Variants in SEL1L3 observed in about 807,000 individuals in gnomAD.
The protein encoded by SEL1L3 is protein sel-1 homolog 3.
A neutral mutation model predicts 142.8 loss-of-function variants in SEL1L3; 76 were observed. The ratio of observed to expected loss-of-function variants is 0.53; its 90% CI spans 0.44 to 0.64. The LOEUF is 0.64. Among genes scored for constraint, SEL1L3 ranks in the 30% least tolerant of loss-of-function variants. The probability of loss-of-function intolerance (pLI) is 0.00; values close to 1 mark genes in which losing one functional copy is unlikely to be tolerated. For synonymous variants in SEL1L3, 504 were observed against 519.6 expected, an observed-to-expected ratio of 0.97 and a Z score of 0.41; for missense variants, 1,262 against 1,381.7, an observed-to-expected ratio of 0.91 and a Z score of 1.37.
At chr4:25,792,814 C>T (rs768427696) in intron 11 of SEL1L3, among the ~76,000 whole-genome samples, 2 of 152,146 alleles carry the variant, frequency 1.3e-5, no homozygotes, top group Non-Finnish European at 2.9e-5. Context: ...AATTCAGATC[C>T]CCTCAGTCTG....
rs370250827 is a variant in SEL1L3 at position 25,827,008 on chromosome 4, T to A, written c.1157+3090A>T. Among the ~76,000 whole-genome samples the A allele has an allele frequency of 2.6e-4, 39 of 152,324 alleles. No homozygotes were observed. The South Asian group carries it at 8.1e-3, about 32-fold the overall frequency. ...TAAGAAATTGTTTCAATGCTTCAATTGGGATGTAGAGTTGGTGTGTGCCCC... is the reference window on the plus strand; with the variant it reads ...TAAGAAATTGTTTCAATGCTTCAATAGGGATGTAGAGTTGGTGTGTGCCCC... On this transcript the variant is annotated intron_variant, in intron 6 of 23. Coordinates refer to ENST00000399878, the MANE Select transcript of SEL1L3 (RefSeq NM_015187.5).
intron 11 of SEL1L3, among the ~76,000 whole-genome samples, chr4:25,793,738 C>T (rs755887311): frequency 2.7e-4 from 41 of 152,208 alleles, no homozygotes; most frequent in Non-Finnish European, 4.6e-4. Context: ...TTTAGTATGG[C>T]ATCTGCTACA....
chr4:25,760,265 G>A (rs994505489), intron 20 of SEL1L3, among the ~76,000 whole-genome samples: 1 of 152,152 alleles, frequency 6.6e-6, no homozygotes, highest in Non-Finnish European at 1.5e-5. Context: ...TCTTTTTTAT[G>A]GCTGCATAGT....
the SEL1L3 span, among the ~76,000 whole-genome samples, chr4:25,726,941 C>T: frequency 1.3e-5 from 2 of 152,050 alleles, no homozygotes; most frequent in African/African-American, 4.8e-5. Flanking sequence ...GTTTCTTCTG[C>T]AGCCTCTCTC....
At chr4:25,809,724 T>G (rs1352876695) in intron 9 of SEL1L3, among the ~76,000 whole-genome samples, 1 of 152,236 alleles carries the variant, frequency 6.6e-6, no homozygotes, top group Non-Finnish European at 1.5e-5. Context: ...TTTGTTTTCT[T>G]GGTGTCTCTG....
In SEL1L3 at chr4:25,789,541, C is replaced by T. The variant is rs143198333; in HGVS notation, c.2076+914G>A. Reference sequence around the variant, plus strand: ...TTGAGGCTGCAGTGAGCTATGATCACGCCACTGAGCTTCAGCCTGCCCAAC... The same window carrying T: ...TTGAGGCTGCAGTGAGCTATGATCATGCCACTGAGCTTCAGCCTGCCCAAC... On this transcript the variant is annotated intron_variant, in intron 12 of 23. Coordinates refer to ENST00000399878, the MANE Select transcript of SEL1L3 (RefSeq NM_015187.5). 3.5e-3 allele frequency among the ~76,000 whole-genome samples: 518 copies of T among 148,320 alleles called. 5 individuals are homozygous for T. The highest frequency in any genetic ancestry group is 3.3e-3 in the Non-Finnish European group (223 of 67,600).
At chr4:25,796,619 C>T (rs1712774457) in intron 11 of SEL1L3, among the ~76,000 whole-genome samples, 1 of 151,838 alleles carries the variant, frequency 6.6e-6, no homozygotes, top group South Asian at 2.1e-4. Context: ...ATGGTGAAAC[C>T]CCATCTCTAC....
At position 25,776,272 on chromosome 4, in the gene SEL1L3, C is replaced by G; in HGVS notation, c.2669+5G>C. ...AGTTTGCTCTAACGTGGATCCCAAGCTTACCATGAACCTTCCAGGTAGGCA... is the reference window on the plus strand; with the variant it reads ...AGTTTGCTCTAACGTGGATCCCAAGGTTACCATGAACCTTCCAGGTAGGCA... On this transcript the variant is annotated splice_donor_5th_base_variant and intron_variant, in intron 17 of 23. Transcript: ENST00000399878. 1 of 1,605,894 alleles carries G rather than the reference C, an allele frequency of 6.2e-7. No homozygotes were observed. The highest frequency in any genetic ancestry group is 8.5e-7 in the Non-Finnish European group (1 of 1,174,004).
intron 7 of SEL1L3, among the ~76,000 whole-genome samples, chr4:25,821,655 T>C (rs982962326): frequency 6.6e-6 from 1 of 152,256 alleles, no homozygotes; most frequent in East Asian, 1.9e-4. Flanking sequence ...AATAATATTA[T>C]ATAAAAGAAG....
At chr4:25,841,925 A>G (rs1295509685) in intron 2 of SEL1L3, among the ~76,000 whole-genome samples, 1 of 152,114 alleles carries the variant, frequency 6.6e-6, no homozygotes, top group Admixed American at 6.5e-5. Flanking sequence ...GCGCCACTGC[A>G]CTCCAGCCTG....
chr4:25,746,417 C>A (rs1577543234), downstream of SEL1L3, among the ~76,000 whole-genome samples: 1 of 149,136 alleles, frequency 6.7e-6, no homozygotes, highest in African/African-American at 2.5e-5. Context: ...TACTCGGAGG[C>A]TGAGGCACCA....
At chr4:25,717,411 A>ATCCC in the SEL1L3 span, among the ~76,000 whole-genome samples, 1 of 152,188 alleles carries the variant, frequency 6.6e-6, no homozygotes, top group Non-Finnish European at 1.5e-5. Context: ...CACGCCTGTA[A>ATCCC]TCCCTGCACT....
intron 19 of SEL1L3, among the ~76,000 whole-genome samples, chr4:25,765,806 T>G (rs1057310303): frequency 1.2e-4 from 18 of 151,906 alleles, no homozygotes; most frequent in Admixed American, 2.0e-4. Flanking sequence ...GCCCGGCTAA[T>G]TTTTGTATTT....
intron 6 of SEL1L3, among the ~76,000 whole-genome samples, chr4:25,828,516 C>G (rs1312097247): frequency 6.6e-6 from 1 of 150,956 alleles, no homozygotes; most frequent in Non-Finnish European, 1.5e-5. Context: ...CCTTAAGTAG[C>G]TGGGATTACA....
downstream of SEL1L3, among the ~76,000 whole-genome samples, chr4:25,745,561 G>T (rs894695360): frequency 1.3e-5 from 2 of 152,220 alleles, no homozygotes; most frequent in African/African-American, 4.8e-5. Flanking sequence ...TCATTCTCAA[G>T]GTGAAGGGAG....
rs149459790 is a variant in SEL1L3 at position 25,806,251 on chromosome 4, A to G, written c.1565-1499T>C. Among the ~76,000 whole-genome samples, 434 of 151,726 alleles carry G rather than the reference A, an allele frequency of 2.9e-3. 3 individuals carry two copies. Among genetic ancestry groups the G allele is most frequent in the African/African-American group, 0.01 (414 of 41,358 alleles). ...AGAGGGTTTCACCGTGTTAGCCAGGATGGTCTGGATTTCCTGACGTCGTGA... is the reference window on the plus strand; with the variant it reads ...AGAGGGTTTCACCGTGTTAGCCAGGGTGGTCTGGATTTCCTGACGTCGTGA... On this transcript the variant is annotated intron_variant, in intron 9 of 23. Coordinates refer to ENST00000399878, the MANE Select transcript of SEL1L3 (RefSeq NM_015187.5).
intron 8 of SEL1L3, among the ~76,000 whole-genome samples, 183 bp from the exon 9 acceptor site, chr4:25,818,461 A>AGTCCAT (rs1714541874): frequency 6.6e-6 from 1 of 152,248 alleles, no homozygotes; most frequent in Non-Finnish European, 1.5e-5. Context: ...TTCAGAGCCA[A>AGTCCAT]GTCCATGAGA....
intron 1 of SEL1L3, among the ~76,000 whole-genome samples, chr4:25,853,890 T>C (rs1253781186): frequency 6.6e-6 from 1 of 152,166 alleles, no homozygotes; most frequent in African/African-American, 2.4e-5. Context: ...CAGGCTGGTC[T>C]CGAACTCCTG....
At position 25,757,707 on chromosome 4, in the gene SEL1L3, G is replaced by T; in HGVS notation, c.3167C>A (p.Ala1056Asp). 1.3e-6 allele frequency: 2 copies of T among 1,594,864 alleles called. No individual in the cohort carries two copies. Among genetic ancestry groups the T allele is most frequent in the East Asian group, 2.3e-5 (1 of 43,936 alleles). Residue 1056 changes from alanine to aspartate, a missense_variant, in exon 22 of 24, where the codon GCT becomes GAT. Ala to Asp is a moderately radical substitution (Grantham distance 126). This residue lies in a region of SEL1L3 where 138 missense variants were observed against 129.7 expected (regional missense o/e 1.06). Transcript: ENST00000399878. Reference protein sequence around the residue: ...LYLHLRLLWGAILHSALIYFL... With the variant: ...LYLHLRLLWGDILHSALIYFL... ...ACCTACCAGGGCTGAGTGCAGGATAGCACCCCAGAGAAGCCGCAAGTGCAG... is the reference window on the plus strand; with the variant it reads ...ACCTACCAGGGCTGAGTGCAGGATATCACCCCAGAGAAGCCGCAAGTGCAG...
Sources: gnomAD v4.1 joint callset for allele counts (sites outside exome capture counted in the v4.1 genomes callset) on GRCh38, gnomAD v4.1.1 for gene constraint, gnomAD v4.1.1 regional missense constraint, MANE v1.5 for transcripts, NCBI Gene and HGNC (gene_info 2026-07-23, HGNC 2026-07-21) for gene names.